SPAG16: variants seen among roughly 807,000 people sequenced by gnomAD.
The protein encoded by SPAG16 is sperm-associated antigen 16 protein.
In SPAG16, 86 loss-of-function variants were observed where a neutral mutation model predicts 80.4. That is an observed-to-expected ratio of 1.07 (90% CI 0.90 to 1.28). The LOEUF is 1.28. Among genes scored for constraint, SPAG16 ranks in the 50% most tolerant of loss-of-function variants. The pLI is 0.00. For missense variants in SPAG16, 870 were observed against 765.3 expected, an observed-to-expected ratio of 1.14 and a Z score of -1.61; for synonymous variants, 294 against 265.9, an observed-to-expected ratio of 1.11 and a Z score of -1.03.
In SPAG16 at chr2:213,487,721, G is replaced by A. The variant is rs1333332168; in HGVS notation, c.943-2242G>A. Among the ~76,000 whole-genome samples, 4 of 152,044 alleles carry A rather than the reference G, an allele frequency of 2.6e-5. No homozygotes were observed. The East Asian group carries it at 5.8e-4, about 22-fold the overall frequency. On this transcript the variant is annotated intron_variant, in intron 9 of 15. Coordinates refer to ENST00000331683, the MANE Select transcript of SPAG16 (RefSeq NM_024532.5). ...TAAATACCTCTTTCTATGATTATTG[G>A]TTTAACAATGCTTATAAAAATTGCT...
At position 214,190,583 on chromosome 2, in the gene SPAG16, C is replaced by T. The variant is rs536302535; in HGVS notation, c.1720+41317C>T. 3.9e-5 allele frequency among the ~76,000 whole-genome samples: 6 copies of T among 152,180 alleles called. No homozygotes were observed. In the South Asian group the frequency reaches 1.2e-3, roughly 32 times the overall value. Reference sequence around the variant, plus strand: ...GCCTGTTGTATATGATATATCATCACAGATCAAATCTTTATGTCTGCCTCA... The same window carrying T: ...GCCTGTTGTATATGATATATCATCATAGATCAAATCTTTATGTCTGCCTCA... On this transcript the variant is annotated intron_variant, in intron 15 of 15. Coordinates refer to ENST00000331683, the MANE Select transcript of SPAG16 (RefSeq NM_024532.5).
Position 213,863,770 on chromosome 2 carries a change from G to C in SPAG16, c.1214+1142G>C, listed in dbSNP as rs368587774. ...TAATGCCCTGTTACCATGACAGCCA[G>C]TGACTCAGAGATTTTCTCATTAGTG... On this transcript the variant is annotated intron_variant, in intron 11 of 15. Coordinates refer to ENST00000331683, the MANE Select transcript of SPAG16 (RefSeq NM_024532.5). 7.2e-5 allele frequency among the ~76,000 whole-genome samples: 11 copies of C among 152,228 alleles called. No homozygotes were observed. In the South Asian group the frequency reaches 2.3e-3, roughly 32 times the overall value.
At chr2:214,062,409 ACT>A (rs2050310829) in intron 13 of SPAG16, among the ~76,000 whole-genome samples, 1 of 120,880 alleles carries the variant, frequency 8.3e-6, no homozygotes, top group Non-Finnish European at 1.6e-5. Flanking sequence ...GCAGAGCACG[ACT>A]CTGACTCAAA....
At chr2:213,444,268 A>G (rs2071164389) in intron 9 of SPAG16, among the ~76,000 whole-genome samples, 2 of 152,208 alleles carry the variant, frequency 1.3e-5, no homozygotes, top group South Asian at 4.1e-4. Flanking sequence ...TCTCCTGATT[A>G]TAAAAAACTG....
chr2:214,057,512 C>A (rs1406756501), intron 13 of SPAG16, among the ~76,000 whole-genome samples: 1 of 152,042 alleles, frequency 6.6e-6, no homozygotes, highest in African/African-American at 2.4e-5. Flanking sequence ...TTTATTGTTC[C>A]ATTCATTAAG....
At chr2:213,844,948 G>T (rs1322655398) in intron 10 of SPAG16, among the ~76,000 whole-genome samples, 3 of 152,078 alleles carry the variant, frequency 2.0e-5, no homozygotes, top group African/African-American at 7.2e-5. Flanking sequence ...ACACTAAGTG[G>T]CAGTGAAGAG....
rs983459492 is a variant in SPAG16, at chr2:213,932,462, C to T, written c.1400+2317C>T. 8.7e-4 allele frequency among the ~76,000 whole-genome samples: 132 copies of T among 151,972 alleles called. 1 individual carries two copies. The highest frequency in any genetic ancestry group is 1.8e-4 in the Non-Finnish European group (12 of 68,004). On this transcript the variant is annotated intron_variant, in intron 12 of 15. Transcript: ENST00000331683. ...AGCTTCTAAGTGTTTGAGAAACTCCCAAAGTGCTGGGGTTACAGGCGTGAA... is the reference window on the plus strand; with the variant it reads ...AGCTTCTAAGTGTTTGAGAAACTCCTAAAGTGCTGGGGTTACAGGCGTGAA...
chr2:213,390,795 C>A (rs2067703881), intron 9 of SPAG16, among the ~76,000 whole-genome samples: 2 of 151,970 alleles, frequency 1.3e-5, no homozygotes, highest in Non-Finnish European at 2.9e-5. Flanking sequence ...ATTTTTTAAT[C>A]ATTTAATTTT....
intron 14 of SPAG16, among the ~76,000 whole-genome samples, chr2:214,138,061 A>G (rs1228323988): frequency 1.3e-5 from 2 of 152,138 alleles, no homozygotes; most frequent in Non-Finnish European, 2.9e-5. Flanking sequence ...TGGCTGGTCC[A>G]GGAACTGAAC....
chr2:213,562,790 T>C (rs746401185), intron 10 of SPAG16, among the ~76,000 whole-genome samples: 6 of 152,082 alleles, frequency 3.9e-5, no homozygotes, highest in Non-Finnish European at 7.4e-5. Context: ...TGTACTCATG[T>C]GGTGGAAGGG....
At chr2:214,340,876 A>G (rs1697636730) in intron 15 of SPAG16, among the ~76,000 whole-genome samples, 1 of 152,216 alleles carries the variant, frequency 6.6e-6, no homozygotes, top group Non-Finnish European at 1.5e-5. Context: ...CAACCAGATA[A>G]AATCAACCTA....
intron 10 of SPAG16, among the ~76,000 whole-genome samples, chr2:213,807,627 G>A (rs1647833545): frequency 1.3e-5 from 2 of 152,154 alleles, no homozygotes; most frequent in South Asian, 4.1e-4. Flanking sequence ...CTTGTCAAGT[G>A]GGAAAAAGTA....
intron 9 of SPAG16, among the ~76,000 whole-genome samples, chr2:213,377,571 G>T (rs1167899195): frequency 6.6e-6 from 1 of 152,122 alleles, no homozygotes; most frequent in Non-Finnish European, 1.5e-5. Context: ...ACTTCTTTGG[G>T]CTAGACATTT....
intron 10 of SPAG16, among the ~76,000 whole-genome samples, chr2:213,815,677 T>A (rs1209188003): frequency 6.6e-6 from 1 of 152,102 alleles, no homozygotes; most frequent in Non-Finnish European, 1.5e-5. Context: ...TTCCTTTAAC[T>A]ACCATAATGG....
intron 15 of SPAG16, among the ~76,000 whole-genome samples, chr2:214,294,579 G>A (rs1403707855): frequency 6.6e-6 from 1 of 152,188 alleles, no homozygotes; most frequent in African/African-American, 2.4e-5. Flanking sequence ...GCCTAGATCT[G>A]TGATGAGCAG....
intron 10 of SPAG16, among the ~76,000 whole-genome samples, chr2:213,763,915 G>C (rs567953118): frequency 6.6e-6 from 1 of 152,242 alleles, no homozygotes; most frequent in East Asian, 1.9e-4. Context: ...ATATGAGAAG[G>C]ACTAATGAGC....
chr2:213,586,416 C>G (rs2060475030), intron 10 of SPAG16, among the ~76,000 whole-genome samples: 1 of 152,214 alleles, frequency 6.6e-6, no homozygotes, highest in Admixed American at 6.5e-5. Context: ...TAATCCCATT[C>G]ATGACCTAAT....
chr2:213,832,435 C>A (rs899933056), intron 10 of SPAG16, among the ~76,000 whole-genome samples: 1 of 152,094 alleles, frequency 6.6e-6, no homozygotes, highest in Non-Finnish European at 1.5e-5. Context: ...TGTCTCTCAT[C>A]CCTCTTTCTC....
intron 12 of SPAG16, among the ~76,000 whole-genome samples, chr2:214,009,039 C>G (rs186551867): frequency 6.6e-6 from 1 of 152,266 alleles, no homozygotes; most frequent in East Asian, 1.9e-4. Flanking sequence ...GGATTAAACT[C>G]CAGAGTATTC....
Sources: gnomAD v4.1 joint callset for allele counts (sites outside exome capture counted in the v4.1 genomes callset) on GRCh38, gnomAD v4.1.1 for gene constraint, MANE v1.5 for transcripts, NCBI Gene and HGNC (gene_info 2026-07-23, HGNC 2026-07-21) for gene names.